Variants in BACH2 observed in about 807,000 individuals in gnomAD.
BACH2 encodes transcription regulator protein BACH2.
In BACH2, 5 loss-of-function variants were observed where a neutral mutation model predicts 61.8. The ratio of observed to expected loss-of-function variants is 0.08; its 90% CI spans 0.04 to 0.17. The LOEUF (loss-of-function observed/expected upper bound fraction) is 0.17. BACH2 is among the 10% of genes least tolerant of loss of function. The pLI is 1.00. For synonymous variants in BACH2, 446 were observed against 440.1 expected, an observed-to-expected ratio of 1.01 and a Z score of -0.17; for missense variants, 824 against 1,091.1, an observed-to-expected ratio of 0.76 and a Z score of 3.45.
intron 5 of BACH2, among the ~76,000 whole-genome samples, chr6:90,018,890 G>C (rs1778222990): frequency 6.6e-6 from 1 of 152,172 alleles, no homozygotes; most frequent in Admixed American, 6.6e-5. Flanking sequence ...TTCTGTCAAT[G>C]ACTAGGAAAT....
At chr6:90,140,367 C>T (rs910967169) in intron 4 of BACH2, among the ~76,000 whole-genome samples, 2 of 152,054 alleles carry the variant, frequency 1.3e-5, no homozygotes, top group African/African-American at 2.4e-5. Context: ...GCTTCCTTAT[C>T]TTCTGAGGCT....
intron 1 of BACH2, among the ~76,000 whole-genome samples, chr6:90,275,620 T>C (rs1351592118): frequency 6.6e-6 from 1 of 152,132 alleles, no homozygotes; most frequent in Non-Finnish European, 1.5e-5. Flanking sequence ...TAGTACCTGA[T>C]AGGTTTTTTT....
At chr6:90,125,665 G>A (rs2127821402) in intron 4 of BACH2, among the ~76,000 whole-genome samples, 1 of 152,320 alleles carries the variant, frequency 6.6e-6, no homozygotes, top group African/African-American at 2.4e-5. Flanking sequence ...TGACTTCAGT[G>A]GCATGTGCAG....
At chr6:90,199,554 T>C (rs1338945294) in intron 4 of BACH2, among the ~76,000 whole-genome samples, 1 of 152,206 alleles carries the variant, frequency 6.6e-6, no homozygotes, top group African/African-American at 2.4e-5. Flanking sequence ...GTATTTTAAA[T>C]TTGCACTTCC....
chr6:90,067,061 C>T (rs1455797708), intron 5 of BACH2, among the ~76,000 whole-genome samples: 2 of 152,300 alleles, frequency 1.3e-5, no homozygotes, highest in East Asian at 3.9e-4. Context: ...ATAGGGAACA[C>T]ATGAATGGTA....
At position 90,157,965 on chromosome 6, in the gene BACH2, G is replaced by A. The variant is rs946516926; in HGVS notation, c.-162+48604C>T. 4.6e-5 allele frequency among the ~76,000 whole-genome samples: 7 copies of A among 152,248 alleles called. No individual in the cohort carries two copies. The South Asian group carries it at 8.3e-4, about 18-fold the overall frequency. ...AAAGATAAAATTGCAACTGTATTAA[G>A]TGCGATGTTGGAAAGGTATGTGGTG... On this transcript the variant is annotated intron_variant, in intron 4 of 8. Coordinates refer to ENST00000257749, the MANE Select transcript of BACH2 (RefSeq NM_021813.4).
intron 4 of BACH2, among the ~76,000 whole-genome samples, chr6:90,119,998 C>G (rs2127819394): frequency 6.6e-6 from 1 of 152,348 alleles, no homozygotes; most frequent in Admixed American, 6.5e-5. Flanking sequence ...TAGAAAGACA[C>G]AGGATCAAGA....
At chr6:89,957,029 C>T (rs1286707546) in intron 6 of BACH2, among the ~76,000 whole-genome samples, 1 of 152,216 alleles carries the variant, frequency 6.6e-6, no homozygotes, top group Non-Finnish European at 1.5e-5. Flanking sequence ...GAAGCTGAAT[C>T]TCTTACACAC....
At chr6:90,092,774 C>T (rs1030193456) in intron 4 of BACH2, among the ~76,000 whole-genome samples, 7 of 152,158 alleles carry the variant, frequency 4.6e-5, no homozygotes, top group African/African-American at 1.7e-4. Flanking sequence ...TACGAACTAG[C>T]TGCCTGACTC....
At chr6:90,028,855 C>T (rs769725193) in intron 5 of BACH2, among the ~76,000 whole-genome samples, 1 of 152,210 alleles carries the variant, frequency 6.6e-6, no homozygotes, top group Non-Finnish European at 1.5e-5. Flanking sequence ...CTTTTCCGTG[C>T]CTCAGTTTCC....
chr6:90,033,186 A>G (rs1315204890), intron 5 of BACH2, among the ~76,000 whole-genome samples: 2 of 151,922 alleles, frequency 1.3e-5, no homozygotes, highest in Non-Finnish European at 2.9e-5. Flanking sequence ...GAAGGGGAAC[A>G]TCACACACTG....
At chr6:90,089,709 T>A (rs145266051) in intron 4 of BACH2, among the ~76,000 whole-genome samples, 54 of 152,256 alleles carry the variant, frequency 3.5e-4, no homozygotes, top group African/African-American at 1.2e-3. Context: ...AAATCACTAA[T>A]GATGTTTTGT....
At chr6:89,977,621 CA>C (rs1775723745) in intron 6 of BACH2, among the ~76,000 whole-genome samples, 1 of 152,170 alleles carries the variant, frequency 6.6e-6, no homozygotes, top group African/African-American at 2.4e-5. Context: ...TGCTGTCTTA[CA>C]AATAGGATTA....
At position 89,940,366 on chromosome 6, in the gene BACH2, G is replaced by C. The variant is rs140152067; in HGVS notation, c.1837-2016C>G. Among the ~76,000 whole-genome samples, 289 of 152,298 alleles carry C rather than the reference G, an allele frequency of 1.9e-3. 2 individuals are homozygous for C. The highest frequency in any genetic ancestry group is 6.3e-3 in the African/African-American group (263 of 41,562). On this transcript the variant is annotated intron_variant, in intron 7 of 8. Transcript: ENST00000257749. ...AAAAGACTGCATGAAAGAGCCCCAA[G>C]TGCGGAAGGTGAGCAGCAAACCACT...
intron 7 of BACH2, among the ~76,000 whole-genome samples, chr6:89,948,433 C>T (rs537836097): frequency 6.6e-6 from 1 of 152,174 alleles, no homozygotes; most frequent in South Asian, 2.1e-4. Flanking sequence ...GTCTTGAAAT[C>T]CTGAGCTCAA....
chr6:90,185,544 CATG>C (rs1383030891), intron 4 of BACH2, among the ~76,000 whole-genome samples: 3 of 152,064 alleles, frequency 2.0e-5, no homozygotes, highest in Non-Finnish European at 4.4e-5. Context: ...TGGGATTATA[CATG>C]ATTTTTGTTT....
intron 5 of BACH2, among the ~76,000 whole-genome samples, chr6:90,046,619 A>G (rs1018503272): frequency 2.6e-5 from 4 of 152,126 alleles, no homozygotes; most frequent in African/African-American, 9.7e-5. Flanking sequence ...GCAGCATCCG[A>G]TTTTTCTGGG....
rs890511374 is a variant in BACH2 at position 90,203,975 on chromosome 6, C to T, written c.-162+2594G>A. On this transcript the variant is annotated intron_variant, in intron 4 of 8. Coordinates refer to ENST00000257749, the MANE Select transcript of BACH2 (RefSeq NM_021813.4). ...TCAGGGTAGTCCTGTTAAATTAGTGCGGCCAACTGCTAATCCTTTTGTGGC... is the reference window on the plus strand; with the variant it reads ...TCAGGGTAGTCCTGTTAAATTAGTGTGGCCAACTGCTAATCCTTTTGTGGC... Among the ~76,000 whole-genome samples, 35 of 152,270 alleles carry T rather than the reference C, an allele frequency of 2.3e-4. 1 individual carries two copies. Among genetic ancestry groups the T allele is most frequent in the Middle Eastern group, 3.4e-3 (1 of 294 alleles).
chr6:90,136,171 T>C (rs1225749636), intron 4 of BACH2, among the ~76,000 whole-genome samples: 1 of 152,214 alleles, frequency 6.6e-6, no homozygotes, highest in African/African-American at 2.4e-5. Context: ...GCTGTTTTGT[T>C]GTTGCTCACT....
Sources: allele counts gnomAD v4.1 joint callset (sites outside exome capture counted in the v4.1 genomes callset), GRCh38; gene constraint gnomAD v4.1.1; transcripts MANE v1.5; gene names NCBI Gene and HGNC (gene_info 2026-07-23, HGNC 2026-07-21).